SUSD6: variants seen among roughly 807,000 people sequenced by gnomAD.
The protein encoded by SUSD6 is sushi domain containing 6, also known as sushi domain-containing protein 6.
A neutral mutation model predicts 28.4 loss-of-function variants in SUSD6; 16 were observed. The ratio of observed to expected loss-of-function variants is 0.56; its 90% CI spans 0.38 to 0.86. SUSD6 has a LOEUF of 0.86. SUSD6 is among the 40% of genes least tolerant of loss of function. The pLI, the probability that SUSD6 is intolerant of heterozygous loss-of-function variation, is 0.00. For missense variants in SUSD6, 341 were observed against 384.2 expected, an observed-to-expected ratio of 0.89 and a Z score of 0.94; for synonymous variants, 147 against 159.6, an observed-to-expected ratio of 0.92 and a Z score of 0.59.
chr14:69,612,531 G>A (rs957805575), intron 1 of SUSD6, among the ~76,000 whole-genome samples: 5 of 152,154 alleles, frequency 3.3e-5, no homozygotes, highest in Non-Finnish European at 5.9e-5. Context: ...GTCGTGGCTG[G>A]GGAGCTGCTG....
At chr14:69,638,219 C>T (rs1470603929) in intron 1 of SUSD6, among the ~76,000 whole-genome samples, 2 of 152,144 alleles carry the variant, frequency 1.3e-5, no homozygotes, top group African/African-American at 4.8e-5. Flanking sequence ...TTTACCACCC[C>T]GTTTTCTGTC....
chr14:69,620,269 C>T (rs1885018444), intron 1 of SUSD6, among the ~76,000 whole-genome samples: 1 of 152,166 alleles, frequency 6.6e-6, no homozygotes, highest in South Asian at 2.1e-4. Context: ...CATAAGAATT[C>T]ATCGATCCAT....
chr14:69,626,890 C>T (rs1217810722), intron 1 of SUSD6, among the ~76,000 whole-genome samples: 1 of 150,400 alleles, frequency 6.6e-6, no homozygotes, highest in Non-Finnish European at 1.5e-5. Context: ...TTGCTGTGTT[C>T]CCCAGGTTGG....
At chr14:69,627,696 C>T (rs1168876783) in intron 1 of SUSD6, among the ~76,000 whole-genome samples, 1 of 152,028 alleles carries the variant, frequency 6.6e-6, no homozygotes, top group South Asian at 2.1e-4. Context: ...GATCTCCTGA[C>T]CTCATGATCC....
chr14:69,638,835 A>C (rs558037655), intron 1 of SUSD6, among the ~76,000 whole-genome samples: 1 of 152,282 alleles, frequency 6.6e-6, no homozygotes, highest in South Asian at 2.1e-4. Flanking sequence ...TTTAAACCCA[A>C]GGTCCTGGGC....
At chr14:69,688,552 G>T (rs1056462761) in intron 2 of SUSD6, among the ~76,000 whole-genome samples, 5 of 152,208 alleles carry the variant, frequency 3.3e-5, no homozygotes, top group Non-Finnish European at 7.3e-5. Context: ...CCCTGGAAAA[G>T]AAACTGACCA....
intron 2 of SUSD6, among the ~76,000 whole-genome samples, chr14:69,673,445 CT>C: frequency 6.6e-6 from 1 of 152,194 alleles, no homozygotes; most frequent in Admixed American, 6.5e-5. Context: ...CTGTCTGACT[CT>C]TTTCAGAGCA....
intron 2 of SUSD6, among the ~76,000 whole-genome samples, chr14:69,662,249 AC>A: frequency 6.6e-6 from 1 of 152,094 alleles, no homozygotes; most frequent in East Asian, 1.9e-4. Flanking sequence ...TGAGAATACC[AC>A]TAGACATAGG....
At chr14:69,655,640 GAA>G (rs796133613) in intron 1 of SUSD6, among the ~76,000 whole-genome samples, 1 of 139,540 alleles carries the variant, frequency 7.2e-6, no homozygotes. Flanking sequence ...CTCTTTAAAA[GAA>G]AAAAAAAAAA....
chr14:69,660,975 T>C (rs1373878434), intron 2 of SUSD6, among the ~76,000 whole-genome samples: 1 of 152,172 alleles, frequency 6.6e-6, no homozygotes, highest in African/African-American at 2.4e-5. Flanking sequence ...GAACAAATGG[T>C]GCTCAATAAG....
intron 1 of SUSD6, among the ~76,000 whole-genome samples, chr14:69,657,587 G>A (rs1164394088): frequency 6.6e-6 from 1 of 152,082 alleles, no homozygotes; most frequent in Non-Finnish European, 1.5e-5. Flanking sequence ...GGGTGTGTGT[G>A]TGTAACTTAA....
chr14:69,696,846 G>C (rs1886232215), intron 2 of SUSD6, among the ~76,000 whole-genome samples: 1 of 152,200 alleles, frequency 6.6e-6, no homozygotes. Context: ...AGGGTCCTTG[G>C]ATCTTCCACA....
intron 2 of SUSD6, 44 bp downstream of exon 2, chr14:69,658,757 A>T: frequency 6.2e-7 from 1 of 1,612,792 alleles, no homozygotes; most frequent in Non-Finnish European, 8.5e-7. Flanking sequence ...GAAAATATTT[A>T]ATACCATTGT....
chr14:69,676,163 G>A lies in SUSD6; in HGVS notation c.121+17450G>A, dbSNP rs79525881. Among the ~76,000 whole-genome samples the A allele has an allele frequency of 7.2e-5, 11 of 152,252 alleles. No homozygotes were observed. The East Asian group carries it at 2.1e-3, about 29-fold the overall frequency. ...AAGAAGAGAATTAACCCTGATGTCT[G>A]TCTAGGGAGGCTTCCCCAGAAGAGC... On this transcript the variant is annotated intron_variant, in intron 2 of 5. Transcript: ENST00000342745.
chr14:69,666,723 G>T (rs1374161162), intron 2 of SUSD6, among the ~76,000 whole-genome samples: 1 of 151,950 alleles, frequency 6.6e-6, no homozygotes, highest in Admixed American at 6.6e-5. Flanking sequence ...CCAGTAACCA[G>T]ATCTTTTAAA....
intron 2 of SUSD6, among the ~76,000 whole-genome samples, chr14:69,679,052 A>G (rs961184402): frequency 2.0e-5 from 3 of 152,180 alleles, no homozygotes; most frequent in African/African-American, 7.2e-5. Context: ...AACAACTGGT[A>G]TTGTTAGGTG....
intron 5 of SUSD6, 79 bp from the exon 6 acceptor site, chr14:69,710,846 TTTAAATTAGGGGCTATGTAGGATAGCCCC>T: frequency 9.5e-7 from 1 of 1,049,088 alleles, no homozygotes; most frequent in East Asian, 2.4e-5. Context: ...ATTTACTTTC[TTTAAATTAGGGGCTATGTAGGATAGCCCC>T]TAAGTTGCAG....
intron 1 of SUSD6, among the ~76,000 whole-genome samples, chr14:69,640,158 C>T (rs1354314321): frequency 6.6e-6 from 1 of 151,358 alleles, no homozygotes. Context: ...GTGTAGAGAC[C>T]CAGGCTGGAC....
At chr14:69,661,181 G>A (rs1224667135) in intron 2 of SUSD6, among the ~76,000 whole-genome samples, 1 of 152,118 alleles carries the variant, frequency 6.6e-6, no homozygotes, top group Non-Finnish European at 1.5e-5. Context: ...GCCCTGGCGT[G>A]TGGTGTTAGT....
Sources: gnomAD v4.1 joint callset for allele counts (sites outside exome capture counted in the v4.1 genomes callset) on GRCh38, gnomAD v4.1.1 for gene constraint, MANE v1.5 for transcripts, NCBI Gene and HGNC (gene_info 2026-07-23, HGNC 2026-07-21) for gene names.